Variants in PFKFB3 observed in about 807,000 individuals in gnomAD.
PFKFB3 encodes the protein 6-phosphofructo-2-kinase/fructose-2,6-bisphosphatase 3.
In PFKFB3, 33 loss-of-function variants were observed where a neutral mutation model predicts 68.0. The ratio of observed to expected loss-of-function variants is 0.49; its 90% CI spans 0.37 to 0.65. PFKFB3 has a LOEUF of 0.65. PFKFB3 is among the 30% of genes least tolerant of loss of function. The probability of loss-of-function intolerance (pLI) is 0.00; values close to 1 mark genes in which losing one functional copy is unlikely to be tolerated. For synonymous variants in PFKFB3, 315 were observed against 288.2 expected (o/e 1.09, Z -0.94); for missense variants, 586 against 712.2 (o/e 0.82, Z 2.02).
intron 1 of PFKFB3, among the ~76,000 whole-genome samples, chr10:6,206,255 C>T (rs941806042): frequency 2.1e-4 from 31 of 144,210 alleles, no homozygotes; most frequent in African/African-American, 8.1e-4. Flanking sequence ...TTTCAGAGAG[C>T]ACAGGGTTGG....
At chr10:6,225,157 A>G (rs1271713293) in intron 13 of PFKFB3, 2 of 456,200 alleles carry the variant, frequency 4.4e-6, no homozygotes, top group African/African-American at 2.0e-5. Flanking sequence ...TTCACCGTGT[A>G]CAGGCTGCCA....
At chr10:6,304,685 C>CTTT in the PFKFB3 span, among the ~76,000 whole-genome samples, 2 of 133,538 alleles carry the variant, frequency 1.5e-5, no homozygotes, top group South Asian at 2.5e-4. Context: ...ATATTAGGAA[C>CTTT]TTTTTTTTTT....
Position 6,220,870 on chromosome 10 carries a change from G to A in PFKFB3, c.831+5G>A, listed in dbSNP as rs370323656. 2.1e-5 allele frequency: 34 copies of A among 1,609,252 alleles called. No homozygotes were observed. The highest frequency in any genetic ancestry group is 1.3e-4 in the African/African-American group (10 of 74,932). Reference sequence around the variant, plus strand: ...CTGTCCAGCCGGGGCAAGAAGGTGCGGGGTGTGCTGCCGCATGGGCCGTTC... The same window carrying A: ...CTGTCCAGCCGGGGCAAGAAGGTGCAGGGTGTGCTGCCGCATGGGCCGTTC... On this transcript the variant is annotated splice_donor_5th_base_variant and intron_variant, in intron 8 of 14. Coordinates refer to ENST00000379775, the MANE Select transcript of PFKFB3 (RefSeq NM_004566.4). This position sits in a 1 kb window ranked among gnomAD's most constrained non-coding sequence, Gnocchi z 4.1.
At chr10:6,217,016 G>C in intron 5 of PFKFB3, 119 bp from the exon 6 acceptor site, 1 of 1,050,886 alleles carries the variant, frequency 9.5e-7, no homozygotes, top group Non-Finnish European at 1.5e-6. Flanking sequence ...GGGCTTTCCT[G>C]TGTTTGGGAG....
At chr10:6,314,840 A>G in the PFKFB3 span, among the ~76,000 whole-genome samples, 2 of 152,090 alleles carry the variant, frequency 1.3e-5, no homozygotes, top group Non-Finnish European at 2.9e-5. Flanking sequence ...CTGATGTGGA[A>G]CTAGGGATCT....
At chr10:6,176,930 C>T (rs776468746) in intron 1 of PFKFB3, among the ~76,000 whole-genome samples, 103 of 152,304 alleles carry the variant, frequency 6.8e-4, no homozygotes, top group Admixed American at 4.2e-3. Context: ...GTGGGACTCA[C>T]GAGTGAGTTC....
chr10:6,244,935 G>T (rs935867266), intron 14 of PFKFB3, among the ~76,000 whole-genome samples: 4 of 152,138 alleles, frequency 2.6e-5, no homozygotes, highest in Non-Finnish European at 5.9e-5. Context: ...CATAAAATGA[G>T]ATTTTTAGTC....
rs538519294 is a variant in PFKFB3, at chr10:6,210,316, C to T, written c.77-3307C>T. Among the ~76,000 whole-genome samples, 7 of 114,526 alleles carry T rather than the reference C, an allele frequency of 6.1e-5. 1 individual carries two copies. In the Admixed American group the frequency reaches 6.6e-4, roughly 11 times the overall value. 75.1% of individuals were successfully genotyped at this position (114,526 alleles called of 152,430 possible). On this transcript the variant is annotated intron_variant, in intron 1 of 14. Transcript: ENST00000379775. ...CTGAAGGGAGGGACAGGTGCAAACACCTCAGGCGCCCCTCTCTTTGTTTTT... is the reference window on the plus strand; with the variant it reads ...CTGAAGGGAGGGACAGGTGCAAACATCTCAGGCGCCCCTCTCTTTGTTTTT...
At chr10:6,178,218 T>C (rs1842590214) in intron 1 of PFKFB3, among the ~76,000 whole-genome samples, 1 of 152,260 alleles carries the variant, frequency 6.6e-6, no homozygotes, top group Non-Finnish European at 1.5e-5. Flanking sequence ...TTTGGGCCTG[T>C]CTGTGATGCT....
chr10:6,224,383 T>G, intron 13 of PFKFB3, 170 bp downstream of exon 13: 1 of 648,748 alleles, frequency 1.5e-6, no homozygotes. Flanking sequence ...CTGTCTGTTC[T>G]GTGGCTTCTG....
chr10:6,168,794 G>T (rs1157011489), intron 1 of PFKFB3, among the ~76,000 whole-genome samples: 1 of 152,198 alleles, frequency 6.6e-6, no homozygotes, highest in African/African-American at 2.4e-5. Flanking sequence ...CCTGGGGATG[G>T]ATGTGGGTGA....
downstream of PFKFB3, among the ~76,000 whole-genome samples, chr10:6,255,068 C>T (rs751210544): frequency 6.6e-5 from 10 of 151,554 alleles, no homozygotes; most frequent in Non-Finnish European, 1.3e-4. Context: ...CGGCCCACCT[C>T]GGTCTCCCAA....
chr10:6,149,455 T>C (rs4750021), intron 1 of PFKFB3, among the ~76,000 whole-genome samples: 149,816 of 150,056 alleles, frequency 1, 74,788 homozygotes, highest in Middle Eastern at 1. Context: ...GGGGTGGGGG[T>C]GGGCGCCTGT....
At chr10:6,256,958 C>T (rs1241153486), downstream of PFKFB3, among the ~76,000 whole-genome samples, 5 of 152,200 alleles carry the variant, frequency 3.3e-5, no homozygotes, top group Non-Finnish European at 7.3e-5. Context: ...CTTAGCTTCA[C>T]GTTTCAAAAA....
chr10:6,277,920 A>ATT, the PFKFB3 span: 1 of 169,878 alleles, frequency 5.9e-6, no homozygotes, highest in Non-Finnish European at 1.3e-5. Flanking sequence ...CTGTATTAAT[A>ATT]GTTTTTTTTT....
chr10:6,199,207 A>G (rs1468481409), upstream of PFKFB3, among the ~76,000 whole-genome samples: 1 of 152,218 alleles, frequency 6.6e-6, no homozygotes, highest in Non-Finnish European at 1.5e-5. Flanking sequence ...CCAGACTACC[A>G]TGCTTGTCAC....
intron 1 of PFKFB3, among the ~76,000 whole-genome samples, chr10:6,205,333 C>G (rs1234798940): frequency 6.6e-6 from 1 of 151,436 alleles, no homozygotes; most frequent in Non-Finnish European, 1.5e-5. Context: ...TTTCCTGACA[C>G]CCTCCCTCGA....
At chr10:6,176,604 T>C (rs1333687271) in intron 1 of PFKFB3, among the ~76,000 whole-genome samples, 4 of 152,174 alleles carry the variant, frequency 2.6e-5, no homozygotes, top group Non-Finnish European at 5.9e-5. Context: ...CAGGCTGTTC[T>C]TGAACTCCTG....
intron 1 of PFKFB3, among the ~76,000 whole-genome samples, chr10:6,162,369 C>T (rs1841996819): frequency 6.6e-6 from 1 of 152,136 alleles, no homozygotes; most frequent in Non-Finnish European, 1.5e-5. Context: ...TCTTTGAAAC[C>T]TTGCTTTCAA....
Sources: gnomAD v4.1 joint callset for allele counts (sites outside exome capture counted in the v4.1 genomes callset) on GRCh38, gnomAD v4.1.1 for gene constraint, Gnocchi (gnomAD v3.1) non-coding constraint, MANE v1.5 for transcripts, NCBI Gene and HGNC (gene_info 2026-07-23, HGNC 2026-07-21) for gene names.